Variants in RAB31 observed in about 807,000 individuals in gnomAD.
The protein encoded by RAB31 is ras-related protein Rab-31.
A neutral mutation model predicts 25.6 loss-of-function variants in RAB31; 21 were observed. The ratio of observed to expected loss-of-function variants is 0.82; its 90% confidence interval spans 0.58 to 1.18. The LOEUF is 1.18. Ranked by LOEUF, RAB31 falls within the 50% of genes most tolerant of loss-of-function variation. RAB31 has a pLI of 0.00. For missense variants in RAB31, 196 were observed against 250.1 expected (o/e 0.78, Z 1.46); for synonymous variants, 87 against 84.0 (o/e 1.04, Z -0.20).
In RAB31 at chr18:9,859,486, C is replaced by A; in HGVS notation, c.*161C>A. 1.9e-6 allele frequency: 1 copy of A among 533,500 alleles called. No individual in the cohort carries two copies. The highest frequency in any genetic ancestry group is 3.2e-5 in the East Asian group (1 of 31,238). The allele number at this position is 533,500 out of a possible 1,614,324, so 33.0% of individuals were successfully genotyped here. ...TGCAGGGGGCGGGGCAGGAAATGTA[C>A]CTGAAAAGGATTTTAGAAAACCCTG... On this transcript the variant is annotated 3_prime_UTR_variant, in exon 7 of 7. Transcript: ENST00000578921.
chr18:9,816,796 TG>T (rs1272339527), intron 5 of RAB31, among the ~76,000 whole-genome samples: 1 of 152,228 alleles, frequency 6.6e-6, no homozygotes, highest in Admixed American at 6.5e-5. Flanking sequence ...TCCATTCCCT[TG>T]GTTAATTTAA....
rs150038800 is a variant in RAB31, at chr18:9,861,077, G to GAAAT, written c.*1753_*1756dup. ...TGGCATGATTGTGCTTGCAGGCCAAGAAATGATCATACCCCTTGCCAAAGG... is the reference window on the plus strand; with the variant it reads ...TGGCATGATTGTGCTTGCAGGCCAAGAAATAAATGATCATACCCCTTGCCAAAGG... On this transcript the variant is annotated 3_prime_UTR_variant, in exon 7 of 7. Coordinates refer to ENST00000578921, the MANE Select transcript of RAB31 (RefSeq NM_006868.4). 396 of 133,712 alleles carry GAAAT rather than the reference G, an allele frequency of 3.0e-3. 3 individuals are homozygous for GAAAT. Among genetic ancestry groups the GAAAT allele is most frequent in the African/African-American group, 0.011 (375 of 35,438 alleles). The allele number at this position is 133,712 out of a possible 1,614,324, so 8.3% of individuals were successfully genotyped here.
At chr18:9,857,885 C>T (rs992516169) in intron 6 of RAB31, among the ~76,000 whole-genome samples, 3 of 151,212 alleles carry the variant, frequency 2.0e-5, no homozygotes, top group Admixed American at 6.6e-5. Context: ...AAAAATTTAT[C>T]GGGGCATGGT....
chr18:9,813,573 C>T (rs116182040), intron 3 of RAB31, among the ~76,000 whole-genome samples: 1,744 of 152,204 alleles, frequency 0.011, 35 homozygotes, highest in African/African-American at 0.039. Context: ...ACTCTGGGGC[C>T]GGGTGCGGTA....
intron 3 of RAB31, among the ~76,000 whole-genome samples, chr18:9,810,827 G>A (rs537975535): frequency 9.2e-5 from 14 of 152,004 alleles, no homozygotes; most frequent in African/African-American, 4.8e-5. Flanking sequence ...TACTTTGTGC[G>A]TTTACATGAA....
chr18:9,860,132 T>C lies in RAB31; in HGVS notation c.*807T>C, dbSNP rs1169572852. On this transcript the variant is annotated 3_prime_UTR_variant, in exon 7 of 7. Coordinates refer to ENST00000578921, the MANE Select transcript of RAB31 (RefSeq NM_006868.4). ...CTGACATGCATCTCCTCCGCAGGAA[T>C]ACATTCGTCCTCTCTTAGAGAAGTT... The C allele has an allele frequency of 6.6e-6, 1 of 152,242 alleles. No homozygotes were observed. Among genetic ancestry groups the C allele is most frequent in the African/African-American group, 2.4e-5 (1 of 41,472 alleles). The allele number at this position is 152,242 out of a possible 1,614,324, so 9.4% of individuals were successfully genotyped here. A position where few individuals can be genotyped will look rare whatever the true frequency, so the allele number is the denominator to read the frequency against.
rs1406078944 is a variant in RAB31 at position 9,860,221 on chromosome 18, T to A, written c.*896T>A. On this transcript the variant is annotated 3_prime_UTR_variant, in exon 7 of 7. Coordinates refer to ENST00000578921, the MANE Select transcript of RAB31 (RefSeq NM_006868.4). The stretch of plus-strand genomic sequence containing the variant: ...TGGTGTCATATCTAGGGGAAGAGAA[T>A]TAACTAGAATTAAATTTAATGTTTG... The A allele has an allele frequency of 6.6e-6, 1 of 152,206 alleles. No homozygotes were observed. Among genetic ancestry groups the A allele is most frequent in the Non-Finnish European group, 1.5e-5 (1 of 68,038 alleles). The allele number at this position is 152,206 out of a possible 1,614,324, so 9.4% of individuals were successfully genotyped here.
chr18:9,790,059 A>G (rs2068452546), intron 2 of RAB31, among the ~76,000 whole-genome samples: 1 of 152,178 alleles, frequency 6.6e-6, no homozygotes, highest in Admixed American at 6.5e-5. Context: ...ATATGAAAGT[A>G]AGGTGAAGAA....
Position 9,745,087 on chromosome 18 carries a change from G to T in RAB31, c.40-30191G>T, listed in dbSNP as rs532965088. Reference sequence around the variant, plus strand: ...ACATTACTAAGAAAAAAAGAGAAAAGAAGTAAATCACTAAAATTAAAAACA... The same window carrying T: ...ACATTACTAAGAAAAAAAGAGAAAATAAGTAAATCACTAAAATTAAAAACA... On this transcript the variant is annotated intron_variant, in intron 1 of 6. Transcript: ENST00000578921. Among the ~76,000 whole-genome samples the T allele has an allele frequency of 8.5e-5, 13 of 152,138 alleles. No homozygotes were observed. The East Asian group carries it at 2.3e-3, about 27-fold the overall frequency.
rs1417860290 is a variant in RAB31 at position 9,861,491 on chromosome 18, A to G, written c.*2166A>G. 6.6e-6 allele frequency: 1 copy of G among 152,154 alleles called. No homozygotes were observed. The highest frequency in any genetic ancestry group is 1.5e-5 in the Non-Finnish European group (1 of 68,048). 9.4% of individuals were successfully genotyped at this position (152,154 alleles called of 1,614,324 possible). On this transcript the variant is annotated 3_prime_UTR_variant, in exon 7 of 7. Coordinates refer to ENST00000578921, the MANE Select transcript of RAB31 (RefSeq NM_006868.4). Reference sequence around the variant, plus strand: ...TCAGCACTCAGAGTAGTCAGTGAAGAGAGTAGATCACACTTGGGCACACCA... The same window carrying G: ...TCAGCACTCAGAGTAGTCAGTGAAGGGAGTAGATCACACTTGGGCACACCA...
At chr18:9,853,770 T>C (rs780468656) in intron 6 of RAB31, among the ~76,000 whole-genome samples, 1 of 151,986 alleles carries the variant, frequency 6.6e-6, no homozygotes, top group African/African-American at 2.4e-5. Flanking sequence ...ATGGGAGAAA[T>C]TGAAGATGAG....
intron 1 of RAB31, among the ~76,000 whole-genome samples, chr18:9,761,822 A>G (rs898257812): frequency 6.6e-6 from 1 of 152,220 alleles, no homozygotes; most frequent in South Asian, 2.1e-4. Flanking sequence ...TTATTTATTT[A>G]TTTAAGACAG....
At chr18:9,822,322 T>C (rs1374867483) in intron 5 of RAB31, among the ~76,000 whole-genome samples, 3 of 152,158 alleles carry the variant, frequency 2.0e-5, no homozygotes, top group Admixed American at 1.3e-4. Context: ...AATCACAGGC[T>C]TTAATGTAAA....
intron 1 of RAB31, among the ~76,000 whole-genome samples, chr18:9,751,285 C>T (rs1408478629): frequency 1.3e-5 from 2 of 152,180 alleles, no homozygotes; most frequent in Non-Finnish European, 2.9e-5. Context: ...AAGTGATCCT[C>T]CTGCCTCAGC....
intron 3 of RAB31, among the ~76,000 whole-genome samples, chr18:9,809,167 T>C (rs2068557789): frequency 6.6e-6 from 1 of 152,210 alleles, no homozygotes. Context: ...GTTTTTACCT[T>C]GGCCGTGAGC....
chr18:9,743,038 C>A (rs545334829), intron 1 of RAB31, among the ~76,000 whole-genome samples: 1 of 152,178 alleles, frequency 6.6e-6, no homozygotes, highest in Non-Finnish European at 1.5e-5. Context: ...TTGGACTTGT[C>A]CATTTAGAAA....
At chr18:9,713,325 T>A (rs974656407) in intron 1 of RAB31, among the ~76,000 whole-genome samples, 1 of 152,042 alleles carries the variant, frequency 6.6e-6, no homozygotes, top group African/African-American at 2.4e-5. Flanking sequence ...GTGGGGAGGG[T>A]TGAGTGGCTA....
intron 5 of RAB31, among the ~76,000 whole-genome samples, chr18:9,825,572 G>C (rs1440094289): frequency 1.3e-5 from 2 of 152,110 alleles, no homozygotes; most frequent in African/African-American, 4.8e-5. Context: ...GGCAGGCAAG[G>C]GTATGTGCAT....
At chr18:9,737,305 G>GT (rs2068155729) in intron 1 of RAB31, among the ~76,000 whole-genome samples, 1 of 151,890 alleles carries the variant, frequency 6.6e-6, no homozygotes, top group South Asian at 2.1e-4. Context: ...CAGGTGACAC[G>GT]TGCACACACA....
Sources: allele counts gnomAD v4.1 joint callset (sites outside exome capture counted in the v4.1 genomes callset), GRCh38; gene constraint gnomAD v4.1.1; transcripts MANE v1.5; gene names NCBI Gene and HGNC (gene_info 2026-07-23, HGNC 2026-07-21).